The following CACNB2 variants were observed in gnomAD, a reference collection of about 807,000 sequenced individuals.
CACNB2 encodes calcium voltage-gated channel auxiliary subunit beta 2.
CACNB2 carries 42 observed loss-of-function variants against 73.3 expected under a neutral mutation model. The observed-to-expected ratio is 0.57, with a 90% CI of 0.45 to 0.74. The LOEUF is 0.74. Ranked by LOEUF, CACNB2 falls within the 30% of genes least tolerant of loss-of-function variation. The pLI is 0.00. For missense variants in CACNB2, 940 were observed against 853.0 expected (o/e 1.10, Z -1.27); for synonymous variants, 348 against 310.3 (o/e 1.12, Z -1.28).
At chr10:18,505,143 G>C (rs2050419105) in intron 5 of CACNB2, among the ~76,000 whole-genome samples, 1 of 150,704 alleles carries the variant, frequency 6.6e-6, no homozygotes, top group Admixed American at 6.6e-5. Flanking sequence ...ACCATTTGCA[G>C]CATTTGTCAC....
chr10:18,163,315 TA>T (rs1226885734), intron 2 of CACNB2, among the ~76,000 whole-genome samples: 7 of 150,516 alleles, frequency 4.7e-5, no homozygotes. Context: ...TATATCCTTA[TA>T]AATATGTAGT....
intron 2 of CACNB2, among the ~76,000 whole-genome samples, chr10:18,293,541 T>G (rs2039153636): frequency 5.9e-5 from 9 of 152,236 alleles, no homozygotes; most frequent in Admixed American, 5.9e-4. Context: ...ACTTGAAACA[T>G]TAAGCTCAGA....
chr10:18,406,780 A>G (rs4293031), intron 3 of CACNB2, among the ~76,000 whole-genome samples: 65,204 of 152,018 alleles, frequency 0.43, 14,854 homozygotes, highest in South Asian at 0.62. Context: ...CCATGGAACA[A>G]TTGTTTTCCC....
At chr10:18,197,364 G>A (rs78862070) in intron 2 of CACNB2, among the ~76,000 whole-genome samples, 10,752 of 152,166 alleles carry the variant, frequency 0.071, 400 homozygotes, top group East Asian at 0.094. Context: ...TGCCTGCAAG[G>A]AACAGAAAAT....
intron 2 of CACNB2, among the ~76,000 whole-genome samples, chr10:18,158,873 T>C (rs1271830095): frequency 6.6e-6 from 1 of 152,166 alleles, no homozygotes; most frequent in African/African-American, 2.4e-5. Flanking sequence ...ATAAATTCTT[T>C]GATGCTGCCA....
Position 18,207,652 on chromosome 10 carries a change from C to T in CACNB2, c.213+56677C>T, listed in dbSNP as rs113630599. Among the ~76,000 whole-genome samples the T allele has an allele frequency of 1.7e-3, 261 of 152,322 alleles. 3 individuals are homozygous for T. The highest frequency in any genetic ancestry group is 5.6e-3 in the African/African-American group (232 of 41,574). On this transcript the variant is annotated intron_variant, in intron 2 of 13. Coordinates refer to ENST00000324631, the MANE Select transcript of CACNB2 (RefSeq NM_201596.3). ...CAGTACTGCAAAGCTTAGAAAATTGCACACATTCATTTACCTTTTGACTAA... is the reference window on the plus strand; with the variant it reads ...CAGTACTGCAAAGCTTAGAAAATTGTACACATTCATTTACCTTTTGACTAA...
In CACNB2 at chr10:18,315,332, A is replaced by AAAAAC. The variant is rs141967693; in HGVS notation, c.214-86562_214-86558dup. 3.3e-3 allele frequency among the ~76,000 whole-genome samples: 475 copies of AAAAAC among 143,414 alleles called. 1 individual carries two copies. Among genetic ancestry groups the AAAAAC allele is most frequent in the African/African-American group, 9.2e-3 (351 of 38,088 alleles). The allele number at this position is 143,414 out of a possible 152,430, so 94.1% of individuals were successfully genotyped here. ...CTGGGCAACAGAGCGAGACTCTGTC[A>AAAAAC]AAAACAAAACAAAACAAAACAAAAC... On this transcript the variant is annotated intron_variant, in intron 2 of 13. Transcript: ENST00000324631.
At chr10:18,293,583 C>T (rs2039155876) in intron 2 of CACNB2, among the ~76,000 whole-genome samples, 1 of 152,184 alleles carries the variant, frequency 6.6e-6, no homozygotes, top group Non-Finnish European at 1.5e-5. Flanking sequence ...ACTTCATACT[C>T]AATTATGCTA....
At chr10:18,422,556 T>G (rs1052971752) in intron 3 of CACNB2, among the ~76,000 whole-genome samples, 2 of 152,182 alleles carry the variant, frequency 1.3e-5, no homozygotes, top group East Asian at 3.8e-4. Context: ...CTCTCCTCAC[T>G]CGTCACCTCC....
chr10:18,301,523 A>G (rs111619892), intron 2 of CACNB2, among the ~76,000 whole-genome samples: 9,064 of 151,894 alleles, frequency 0.06, 343 homozygotes, highest in Non-Finnish European at 0.089. Flanking sequence ...TGAGCCCAGG[A>G]GTTTGAGGCT....
chr10:18,205,935 A>C (rs1182234389), intron 2 of CACNB2, among the ~76,000 whole-genome samples: 1 of 152,156 alleles, frequency 6.6e-6, no homozygotes, highest in African/African-American at 2.4e-5. Context: ...GGGTCCAGGG[A>C]GAGAGAATCT....
chr10:18,298,171 C>T (rs774595093), intron 2 of CACNB2, among the ~76,000 whole-genome samples: 1 of 152,084 alleles, frequency 6.6e-6, no homozygotes, highest in Non-Finnish European at 1.5e-5. Flanking sequence ...GAGTTCAAGA[C>T]CAGCCTGGCC....
intron 2 of CACNB2, among the ~76,000 whole-genome samples, chr10:18,251,147 C>T (rs1046404343): frequency 1.8e-4 from 28 of 152,194 alleles, no homozygotes; most frequent in East Asian, 1.4e-3. Context: ...TCTAAAACTC[C>T]GGTTGGGAGC....
intron 2 of CACNB2, among the ~76,000 whole-genome samples, chr10:18,392,405 T>G (rs1212833844): frequency 1.3e-5 from 2 of 152,184 alleles, no homozygotes; most frequent in South Asian, 2.1e-4. Flanking sequence ...CAGCCATCGA[T>G]GTAGCCTTAG....
At chr10:18,487,482 A>G (rs773675226) in intron 3 of CACNB2, among the ~76,000 whole-genome samples, 23 of 152,166 alleles carry the variant, frequency 1.5e-4, no homozygotes, top group Non-Finnish European at 7.4e-5. Flanking sequence ...TGCTGGAGTC[A>G]GGGTGGGAAG....
chr10:18,409,114 A>G (rs1458942115), intron 3 of CACNB2, among the ~76,000 whole-genome samples: 1 of 152,158 alleles, frequency 6.6e-6, no homozygotes, highest in Non-Finnish European at 1.5e-5. Flanking sequence ...GCTGGCCAAC[A>G]TGGTGAAACC....
chr10:18,262,406 C>T (rs995778977), intron 2 of CACNB2, among the ~76,000 whole-genome samples: 1 of 151,976 alleles, frequency 6.6e-6, no homozygotes, highest in Non-Finnish European at 1.5e-5. Context: ...ATGAAAAACC[C>T]CTTTTATTTA....
intron 7 of CACNB2, chr10:18,514,624 C>T: frequency 1.4e-6 from 2 of 1,441,474 alleles, no homozygotes; most frequent in Admixed American, 1.7e-5. Context: ...ATTTCTGTCC[C>T]AAGCAAAGAA....
Position 18,450,334 on chromosome 10 carries a change from T to G in CACNB2, c.334-48021T>G, listed in dbSNP as rs77230133. ...AAAGCATCCTTTAGCAAAAGTAGTT[T>G]CCTCTTTTCCTTGCTAAATATCTTG... On this transcript the variant is annotated intron_variant, in intron 3 of 13. Coordinates refer to ENST00000324631, the MANE Select transcript of CACNB2 (RefSeq NM_201596.3). Among the ~76,000 whole-genome samples the G allele has an allele frequency of 3.4e-3, 511 of 152,210 alleles. 2 individuals are homozygous for G. The highest frequency in any genetic ancestry group is 0.012 in the African/African-American group (488 of 41,538).
Sources: allele counts gnomAD v4.1 joint callset (sites outside exome capture counted in the v4.1 genomes callset), GRCh38; gene constraint gnomAD v4.1.1; transcripts MANE v1.5; gene names NCBI Gene and HGNC (gene_info 2026-07-23, HGNC 2026-07-21).